PRKG1: variants seen among roughly 807,000 people sequenced by gnomAD.
PRKG1 encodes the protein protein kinase cGMP-dependent 1.
PRKG1 carries 35 observed loss-of-function variants against 88.1 expected under a neutral mutation model. The observed-to-expected ratio is 0.40, with a 90% confidence interval of 0.30 to 0.53. PRKG1 has a LOEUF of 0.53. PRKG1 is among the 20% of genes least tolerant of loss of function. The pLI, the probability that PRKG1 is intolerant of heterozygous loss-of-function variation, is 0.59. For synonymous variants in PRKG1, 303 were observed against 292.5 expected, an observed-to-expected ratio of 1.04 and a Z score of -0.37; for missense variants, 540 against 839.8, an observed-to-expected ratio of 0.64 and a Z score of 4.41.
At chr10:51,203,144 A>G (rs925689042) in intron 2 of PRKG1, among the ~76,000 whole-genome samples, 1 of 152,146 alleles carries the variant, frequency 6.6e-6, no homozygotes, top group African/African-American at 2.4e-5. Flanking sequence ...GCCTACTTAA[A>G]TGGTCACTTA....
chr10:51,295,265 A>G (rs1396506154), intron 2 of PRKG1, among the ~76,000 whole-genome samples: 2 of 152,194 alleles, frequency 1.3e-5, no homozygotes, highest in Admixed American at 6.5e-5. Context: ...TACAATCCAT[A>G]ACCATGTATG....
chr10:52,243,955 C>A (rs1840934083), intron 9 of PRKG1, among the ~76,000 whole-genome samples: 1 of 152,042 alleles, frequency 6.6e-6, no homozygotes, highest in Non-Finnish European at 1.5e-5. Context: ...TTTCTGAAAA[C>A]CACAATTTTG....
chr10:52,128,542 G>A lies in PRKG1; in HGVS notation c.936-5298G>A, dbSNP rs1032341200. On this transcript the variant is annotated intron_variant, in intron 7 of 17. Coordinates refer to ENST00000373980, the MANE Select transcript of PRKG1 (RefSeq NM_006258.4). ...GTGACGAAGTTCAAAGAATATCAGA[G>A]TCAGTGCACGGAAACCTATATTTGC... is the stretch of plus-strand genomic sequence containing the variant. 4 of 985,274 alleles carry A rather than the reference G, an allele frequency of 4.1e-6. No homozygotes were observed. In the African/African-American group the frequency reaches 7.0e-5, roughly 17 times the overall value. The allele number at this position is 985,274 out of a possible 1,614,324, so 61.0% of individuals were successfully genotyped here. A position where few individuals can be genotyped will look rare whatever the true frequency, so the allele number is the denominator to read the frequency against.
chr10:52,089,537 A>G (rs550810449), intron 7 of PRKG1, among the ~76,000 whole-genome samples: 1 of 152,280 alleles, frequency 6.6e-6, no homozygotes, highest in South Asian at 2.1e-4. Flanking sequence ...TAATAGAAAG[A>G]TCTTACAAGA....
At chr10:52,023,309 C>T (rs541979540) in intron 5 of PRKG1, among the ~76,000 whole-genome samples, 1 of 152,284 alleles carries the variant, frequency 6.6e-6, no homozygotes, top group East Asian at 1.9e-4. Context: ...TTTATCCAGT[C>T]TATCATAGAT....
At chr10:51,095,572 G>A (rs79535597) in intron 1 of PRKG1, among the ~76,000 whole-genome samples, 1 of 152,218 alleles carries the variant, frequency 6.6e-6, no homozygotes, top group Non-Finnish European at 1.5e-5. Context: ...ATAGTTAACA[G>A]CAATTGCAGT....
At chr10:51,776,532 A>G (rs910025835) in intron 3 of PRKG1, among the ~76,000 whole-genome samples, 5 of 152,078 alleles carry the variant, frequency 3.3e-5, no homozygotes, top group Non-Finnish European at 7.4e-5. Flanking sequence ...ATAACTTTCT[A>G]CTAAAATATA....
chr10:51,324,319 T>C (rs943834909), intron 2 of PRKG1, among the ~76,000 whole-genome samples: 2 of 152,144 alleles, frequency 1.3e-5, no homozygotes, highest in African/African-American at 4.8e-5. Flanking sequence ...TCCACCTTTT[T>C]AGCTCCCACG....
At chr10:51,439,024 G>A (rs55801112) in intron 2 of PRKG1, among the ~76,000 whole-genome samples, 90 of 150,502 alleles carry the variant, frequency 6.0e-4, no homozygotes, top group African/African-American at 2.0e-3. Context: ...AAAAAAAAGA[G>A]AAACCAATCC....
intron 4 of PRKG1, among the ~76,000 whole-genome samples, chr10:51,832,249 T>C (rs1044746368): frequency 7.2e-5 from 11 of 152,244 alleles, no homozygotes; most frequent in African/African-American, 2.4e-4. Flanking sequence ...AGATCTCATT[T>C]TAAATTCATG....
At chr10:51,792,054 T>C (rs556194327) in intron 3 of PRKG1, among the ~76,000 whole-genome samples, 1 of 152,256 alleles carries the variant, frequency 6.6e-6, no homozygotes, top group South Asian at 2.1e-4. Context: ...GTTTGGTGGG[T>C]ATAATGATGG....
chr10:51,981,838 C>A (rs1844018247), intron 5 of PRKG1, among the ~76,000 whole-genome samples: 1 of 151,996 alleles, frequency 6.6e-6, no homozygotes. Context: ...ATCTGCATTT[C>A]CAGAATTTGA....
intron 7 of PRKG1, among the ~76,000 whole-genome samples, chr10:52,088,486 T>C (rs1343752547): frequency 6.6e-6 from 1 of 152,138 alleles, no homozygotes; most frequent in Admixed American, 6.5e-5. Context: ...TACTACGAGA[T>C]AGAATCTTTA....
In PRKG1 at chr10:52,293,916, T is replaced by C; in HGVS notation, c.*16T>C. 15 of 1,590,342 alleles carry C rather than the reference T, an allele frequency of 9.4e-6. No homozygotes were observed. Among genetic ancestry groups the C allele is most frequent in the Non-Finnish European group, 1.3e-5 (15 of 1,160,898 alleles). On this transcript the variant is annotated 3_prime_UTR_variant, in exon 18 of 18. Transcript: ENST00000373980. ...AGACTTCTAATGTATTTCTCTTACCTGCTTCTGCCTTGCTGAAGACAGCTT... is the reference window on the plus strand; with the variant it reads ...AGACTTCTAATGTATTTCTCTTACCCGCTTCTGCCTTGCTGAAGACAGCTT...
At chr10:51,915,096 G>T (rs1842309231) in intron 5 of PRKG1, among the ~76,000 whole-genome samples, 1 of 152,140 alleles carries the variant, frequency 6.6e-6, no homozygotes, top group Non-Finnish European at 1.5e-5. Context: ...AGTTGTTTTG[G>T]CTGTGCAGCT....
At chr10:52,277,706 G>A (rs1434879712) in intron 12 of PRKG1, among the ~76,000 whole-genome samples, 1 of 152,108 alleles carries the variant, frequency 6.6e-6, no homozygotes, top group Non-Finnish European at 1.5e-5. Context: ...CTCCTCCCAT[G>A]AATTTGAGTT....
At chr10:51,968,335 C>T (rs1342489387) in intron 5 of PRKG1, among the ~76,000 whole-genome samples, 1 of 151,962 alleles carries the variant, frequency 6.6e-6, no homozygotes, top group African/African-American at 2.4e-5. Context: ...TGGCTCCAGG[C>T]TATGTAGGCA....
intron 9 of PRKG1, among the ~76,000 whole-genome samples, chr10:52,174,693 A>G (rs1838809034): frequency 6.6e-6 from 1 of 152,032 alleles, no homozygotes; most frequent in Non-Finnish European, 1.5e-5. Context: ...ATAAAAATTA[A>G]GTAAAAATGC....
intron 2 of PRKG1, among the ~76,000 whole-genome samples, chr10:51,351,449 C>T (rs1012973988): frequency 1.2e-4 from 18 of 152,126 alleles, no homozygotes; most frequent in Admixed American, 2.0e-4. Flanking sequence ...GATCGCCATT[C>T]TAACTGGTAT....
Sources: allele counts gnomAD v4.1 joint callset (sites outside exome capture counted in the v4.1 genomes callset), GRCh38; gene constraint gnomAD v4.1.1; transcripts MANE v1.5; gene names NCBI Gene and HGNC (gene_info 2026-07-23, HGNC 2026-07-21).